Variants in HPCAL1 observed in about 807,000 individuals in gnomAD.
HPCAL1 encodes the protein hippocalcin like 1, also known as hippocalcin-like protein 1.
In HPCAL1, 8 loss-of-function variants were observed where a neutral mutation model predicts 17.1. The observed-to-expected ratio is 0.47, with a 90% CI of 0.27 to 0.84. The LOEUF (loss-of-function observed/expected upper bound fraction) is 0.84. HPCAL1 is among the 40% of genes least tolerant of loss of function. HPCAL1 has a pLI of 0.13. For synonymous variants in HPCAL1, 112 were observed against 111.4 expected (o/e 1.01, Z -0.03); for missense variants, 165 against 271.1 (o/e 0.61, Z 2.75).
chr2:10,351,232 A>G (rs1234082958), intron 1 of HPCAL1, among the ~76,000 whole-genome samples: 2 of 152,264 alleles, frequency 1.3e-5, no homozygotes, highest in Non-Finnish European at 2.9e-5. Flanking sequence ...AGTAAAAGGA[A>G]TGAAGTTGAG....
chr2:10,369,014 G>A (rs115336954), intron 1 of HPCAL1: 127 of 152,294 alleles, frequency 8.3e-4, no homozygotes, highest in African/African-American at 2.9e-3. Flanking sequence ...CCAAGCTGGC[G>A]GCAGCCGATG....
chr2:10,387,218 A>G (rs185165641), intron 1 of HPCAL1, among the ~76,000 whole-genome samples: 33 of 152,350 alleles, frequency 2.2e-4, no homozygotes, highest in Admixed American at 2.0e-3. Context: ...TCCAAAGAGT[A>G]GTCGCGTGTG....
chr2:10,376,199 C>T (rs896468163), intron 1 of HPCAL1, among the ~76,000 whole-genome samples: 1 of 152,190 alleles, frequency 6.6e-6, no homozygotes, highest in African/African-American at 2.4e-5. Flanking sequence ...AACTGTGAGC[C>T]AATTAAGACA....
intron 2 of HPCAL1, among the ~76,000 whole-genome samples, chr2:10,398,040 C>T (rs1669172788): frequency 6.6e-6 from 1 of 152,202 alleles, no homozygotes; most frequent in Admixed American, 6.5e-5. Context: ...CTCTCTCTCC[C>T]TCCTCCCTCT....
chr2:10,315,280 G>A (rs1451701594), intron 1 of HPCAL1, among the ~76,000 whole-genome samples: 3 of 140,034 alleles, frequency 2.1e-5, no homozygotes, highest in Admixed American at 7.5e-5. Flanking sequence ...GCAACAGAGC[G>A]AGACTCCGTC....
chr2:10,373,907 C>A (rs1667385240), intron 1 of HPCAL1, among the ~76,000 whole-genome samples: 1 of 152,202 alleles, frequency 6.6e-6, no homozygotes, highest in Non-Finnish European at 1.5e-5. Context: ...GACAACCCGG[C>A]CATCACAGGG....
intron 1 of HPCAL1, among the ~76,000 whole-genome samples, chr2:10,309,255 A>G (rs1662809627): frequency 6.6e-6 from 1 of 152,034 alleles, no homozygotes. Context: ...ACTGGTCTTG[A>G]GCTCCCGGGC....
intron 1 of HPCAL1, among the ~76,000 whole-genome samples, chr2:10,306,242 G>A (rs1262990166): frequency 6.6e-6 from 1 of 152,086 alleles, no homozygotes; most frequent in Non-Finnish European, 1.5e-5. Context: ...TTCATTGTGG[G>A]ATAATGCGTT....
At chr2:10,306,507 C>T (rs558292339) in intron 1 of HPCAL1, among the ~76,000 whole-genome samples, 1 of 152,234 alleles carries the variant, frequency 6.6e-6, no homozygotes, top group South Asian at 2.1e-4. Context: ...TGTGCTTTTC[C>T]CCTTAGATTG....
At chr2:10,406,186 G>A (rs954237199) in intron 2 of HPCAL1, 6 of 152,134 alleles carry the variant, frequency 3.9e-5, no homozygotes, top group African/African-American at 9.7e-5. Context: ...GGGATTCCTC[G>A]TCGTGCAGGG....
At chr2:10,351,022 G>T (rs965015388) in intron 1 of HPCAL1, among the ~76,000 whole-genome samples, 1 of 152,178 alleles carries the variant, frequency 6.6e-6, no homozygotes, top group Non-Finnish European at 1.5e-5. Flanking sequence ...TTCCTCAAAA[G>T]CTTAAATCTA....
intron 2 of HPCAL1, among the ~76,000 whole-genome samples, chr2:10,398,238 G>T (rs1349623354): frequency 6.6e-6 from 1 of 152,346 alleles, no homozygotes; most frequent in South Asian, 2.1e-4. Context: ...GCCCCTGAGA[G>T]CCCTCATCAC....
rs778161134 is a variant in HPCAL1, at chr2:10,310,937, C to G, written c.-111+7760C>G. ...CTCCTCCCTTTCACTCCCATCTTTTCTATTTGCTGCCCTGTAATCAATTTT... is the reference window on the plus strand; with the variant it reads ...CTCCTCCCTTTCACTCCCATCTTTTGTATTTGCTGCCCTGTAATCAATTTT... On this transcript the variant is annotated intron_variant, in intron 1 of 4. Transcript: ENST00000307845. The surrounding 1 kb of genome is among the most constrained non-coding windows in gnomAD (Gnocchi z 4.5). Among the ~76,000 whole-genome samples, 24 of 152,172 alleles carry G rather than the reference C, an allele frequency of 1.6e-4. No homozygotes were observed. The highest frequency in any genetic ancestry group is 2.5e-4 in the Non-Finnish European group (17 of 68,014).
At chr2:10,351,196 A>C (rs145221745) in intron 1 of HPCAL1, among the ~76,000 whole-genome samples, 2 of 152,256 alleles carry the variant, frequency 1.3e-5, no homozygotes, top group Non-Finnish European at 1.5e-5. Context: ...AATGTAGTCT[A>C]TCCATACAAT....
intron 1 of HPCAL1, among the ~76,000 whole-genome samples, chr2:10,327,346 C>A (rs539615135): frequency 5.9e-5 from 9 of 152,306 alleles, no homozygotes; most frequent in African/African-American, 1.7e-4. Flanking sequence ...GGATGGCCTG[C>A]AGGAAGGATC....
chr2:10,365,149 GTTCTGAAC>G lies in HPCAL1; in HGVS notation c.-110-31683_-110-31676del, dbSNP rs1401087283. On this transcript the variant is annotated intron_variant, in intron 1 of 4. Transcript: ENST00000307845. The surrounding 1 kb of genome is among the most constrained non-coding windows in gnomAD (Gnocchi z 4.8). Reference sequence around the variant, plus strand: ...AGAGTGTCCACACCACCCGCCCTGAGTTCTGAACTTAGCCACCTCATGTACGGAAGGAG... The same window carrying G: ...AGAGTGTCCACACCACCCGCCCTGAGTTAGCCACCTCATGTACGGAAGGAG... Among the ~76,000 whole-genome samples, 1 of 152,172 alleles carries G rather than the reference GTTCTGAAC, an allele frequency of 6.6e-6. No homozygotes were observed. The highest frequency in any genetic ancestry group is 1.5e-5 in the Non-Finnish European group (1 of 68,026).
chr2:10,423,366 C>A, intron 4 of HPCAL1: 1 of 403,506 alleles, frequency 2.5e-6, no homozygotes, highest in Non-Finnish European at 4.6e-6. Flanking sequence ...TACCCATATT[C>A]CCGTGGGTAC....
chr2:10,341,573 CT>C (rs1262141199), intron 1 of HPCAL1, among the ~76,000 whole-genome samples: 1 of 152,074 alleles, frequency 6.6e-6, no homozygotes, highest in Non-Finnish European at 1.5e-5. Flanking sequence ...AGACGGGGGT[CT>C]TTAAGCAGAA....
chr2:10,421,793 G>A lies in HPCAL1; in HGVS notation c.379-1190G>A, dbSNP rs139621971. Among the ~76,000 whole-genome samples the A allele has an allele frequency of 7.1e-4, 108 of 152,258 alleles. 1 individual carries two copies. The South Asian group carries it at 8.7e-3, about 12-fold the overall frequency. ...ACTTCAGGGGTGGGCCTCCAGTAGC[G>A]GGTATCAAATCCGTGAACTTCTGCA... On this transcript the variant is annotated intron_variant, in intron 3 of 4. Transcript: ENST00000307845.
Sources: allele counts gnomAD v4.1 joint callset (sites outside exome capture counted in the v4.1 genomes callset), GRCh38; gene constraint gnomAD v4.1.1; non-coding constraint Gnocchi (gnomAD v3.1); transcripts MANE v1.5; gene names NCBI Gene and HGNC (gene_info 2026-07-23, HGNC 2026-07-21).